Variants in SNX13 observed in about 807,000 individuals in gnomAD.
SNX13 encodes the protein sorting nexin 13, also known as sorting nexin-13.
A neutral mutation model predicts 133.6 loss-of-function variants in SNX13; 45 were observed. That is an observed-to-expected ratio of 0.34 (90% CI 0.27 to 0.43). SNX13 has a LOEUF of 0.43. Ranked by LOEUF, SNX13 falls within the 20% of genes least tolerant of loss-of-function variation. SNX13 has a pLI of 1.00. For synonymous variants in SNX13, 414 were observed against 373.9 expected (o/e 1.11, Z -1.24); for missense variants, 1,032 against 1,145.1 (o/e 0.90, Z 1.43).
At chr7:17,841,394 A>G (rs1248337408) in intron 12 of SNX13, among the ~76,000 whole-genome samples, 1 of 152,104 alleles carries the variant, frequency 6.6e-6, no homozygotes, top group Non-Finnish European at 1.5e-5. Flanking sequence ...AATAGTCTTG[A>G]GAAGACTTTT....
rs771575078 is a variant in SNX13 at position 17,940,473 on chromosome 7, C to T, written c.-178G>A. ...CCTCGGCCCGGTCGCTCGCGACGGACGCGCCGCCATCTTGGAAGAGCGACG... is the reference window on the plus strand; with the variant it reads ...CCTCGGCCCGGTCGCTCGCGACGGATGCGCCGCCATCTTGGAAGAGCGACG... On this transcript the variant is annotated 5_prime_UTR_variant, in exon 1 of 26. Coordinates refer to ENST00000428135, the MANE Select transcript of SNX13 (RefSeq NM_015132.5). The T allele has an allele frequency of 3.4e-5, 25 of 739,162 alleles. No individual in the cohort carries two copies. The highest frequency in any genetic ancestry group is 6.0e-5 in the Non-Finnish European group (25 of 418,848). The allele number at this position is 739,162 out of a possible 1,614,324, so 45.8% of individuals were successfully genotyped here.
At chr7:17,830,950 T>G in intron 15 of SNX13, 1 of 984,398 alleles carries the variant, frequency 1.0e-6, no homozygotes, top group Non-Finnish European at 1.2e-6. Flanking sequence ...CTCAAGAACA[T>G]TTCTTGGTTC....
chr7:17,876,818 C>A (rs1472668793), intron 5 of SNX13, among the ~76,000 whole-genome samples: 2 of 151,894 alleles, frequency 1.3e-5, no homozygotes, highest in African/African-American at 4.8e-5. Flanking sequence ...CAATTTATAT[C>A]TCTCCTTGGA....
intron 7 of SNX13, 132 bp downstream of exon 7, chr7:17,875,348 T>G: frequency 1.6e-6 from 1 of 634,104 alleles, no homozygotes; most frequent in Non-Finnish European, 2.6e-6. Context: ...CAAAATAAAA[T>G]AAAATGAATA....
intron 9 of SNX13, among the ~76,000 whole-genome samples, chr7:17,863,783 CAT>C (rs1468954480): frequency 6.6e-6 from 1 of 152,210 alleles, no homozygotes; most frequent in Non-Finnish European, 1.5e-5. Context: ...TGACAGTGTC[CAT>C]GTCACTGTTT....
intron 1 of SNX13, among the ~76,000 whole-genome samples, chr7:17,901,977 T>C (rs1212218852): frequency 6.6e-6 from 1 of 152,186 alleles, no homozygotes; most frequent in Non-Finnish European, 1.5e-5. Context: ...ATCATATCTT[T>C]CACAATTAAA....
At chr7:17,843,093 ATTACT>A (rs986285570) in intron 12 of SNX13, among the ~76,000 whole-genome samples, 16 of 152,032 alleles carry the variant, frequency 1.1e-4, no homozygotes, top group African/African-American at 2.2e-4. Context: ...CTTATAAATA[ATTACT>A]TTACATGTAA....
chr7:17,858,578 A>G (rs1279838960), intron 9 of SNX13, among the ~76,000 whole-genome samples: 1 of 152,130 alleles, frequency 6.6e-6, no homozygotes, highest in African/African-American at 2.4e-5. Context: ...TCATCTATAG[A>G]TTCAATGTAA....
intron 8 of SNX13, among the ~76,000 whole-genome samples, chr7:17,870,188 C>G (rs904099579): frequency 1.3e-5 from 2 of 151,938 alleles, no homozygotes; most frequent in African/African-American, 4.8e-5. Flanking sequence ...CTAAAAGATA[C>G]AAAATCATTG....
At chr7:17,865,210 G>C (rs1793237057) in intron 9 of SNX13, among the ~76,000 whole-genome samples, 1 of 152,148 alleles carries the variant, frequency 6.6e-6, no homozygotes, top group South Asian at 2.1e-4. Context: ...GAATAATACT[G>C]CAACTGTGGT....
chr7:17,893,164 G>A (rs186242552), intron 3 of SNX13, among the ~76,000 whole-genome samples, 168 bp downstream of exon 3: 269 of 152,164 alleles, frequency 1.8e-3, no homozygotes, highest in African/African-American at 6.1e-3. Flanking sequence ...TTTTTAAGAT[G>A]GCCTTTTAAA....
chr7:17,850,382 A>G lies in SNX13; in HGVS notation c.1030T>C (p.Cys344Arg). The G allele has an allele frequency of 6.3e-7, 1 of 1,597,508 alleles. No homozygotes were observed. The highest frequency in any genetic ancestry group is 8.5e-7 in the Non-Finnish European group (1 of 1,172,952). The change falls in exon 11 of 26, where the codon TGT (cysteine) becomes CGT (arginine). Residue 344 changes from cysteine (C) to arginine (R), a missense_variant. By Grantham distance (180) the Cys-to-Arg change is radical. Transcript: ENST00000428135. ...INSLLFVKKV[C>R]DSRIQRLQSG... ...TGCAATCGCTGTATTCTTGAGTCAC[A>G]TACCTTCTTTACGAATAGTAAGCTA...
At chr7:17,879,046 T>G (rs1203246990) in intron 5 of SNX13, among the ~76,000 whole-genome samples, 2 of 152,170 alleles carry the variant, frequency 1.3e-5, no homozygotes, top group Non-Finnish European at 2.9e-5. Flanking sequence ...TCTCCACTAT[T>G]CCTTCAGACT....
chr7:17,845,865 A>T (rs1002052299), intron 11 of SNX13, among the ~76,000 whole-genome samples, 171 bp from the exon 12 acceptor site: 2 of 152,190 alleles, frequency 1.3e-5, no homozygotes, highest in Non-Finnish European at 2.9e-5. Context: ...TTAAATTCCT[A>T]GTTAAGAGTT....
intron 1 of SNX13, among the ~76,000 whole-genome samples, chr7:17,930,181 T>G (rs1008746471): frequency 3.2e-5 from 4 of 123,582 alleles, no homozygotes; most frequent in Non-Finnish European, 7.3e-5. Context: ...GCACAGTACA[T>G]GTGTTACTTC....
At chr7:17,813,558 C>A (rs1161881942) in intron 20 of SNX13, among the ~76,000 whole-genome samples, 2 of 150,166 alleles carry the variant, frequency 1.3e-5, no homozygotes, top group Non-Finnish European at 3.0e-5. Flanking sequence ...ACTATACAAT[C>A]AAAAATCCTG....
chr7:17,923,636 G>A (rs1169662334), intron 1 of SNX13, among the ~76,000 whole-genome samples: 1 of 152,128 alleles, frequency 6.6e-6, no homozygotes, highest in Non-Finnish European at 1.5e-5. Flanking sequence ...CAATAATCCA[G>A]GAGATCATGA....
chr7:17,886,811 G>A (rs1171316567), intron 5 of SNX13, among the ~76,000 whole-genome samples: 1 of 151,854 alleles, frequency 6.6e-6, no homozygotes, highest in African/African-American at 2.4e-5. Flanking sequence ...ACCCATTCTT[G>A]AAAACCAGTT....
rs185933671 is a variant in SNX13, at chr7:17,826,199, A to G, written c.1636-108T>C. ...TACAATTACTCATTTCCCTGCATGT[A>G]AACTATATATTATTTGTATACCCTC... On this transcript the variant is annotated intron_variant, in intron 16 of 25. Transcript: ENST00000428135. 2.5e-3 allele frequency: 1,527 copies of G among 611,810 alleles called. 7 individuals are homozygous for G. The highest frequency in any genetic ancestry group is 2.8e-3 in the Non-Finnish European group (1,000 of 355,772). 37.9% of individuals were successfully genotyped at this position (611,810 alleles called of 1,614,324 possible). A position where few individuals can be genotyped will look rare whatever the true frequency, so the allele number is the denominator to read the frequency against.
Sources: gnomAD v4.1 joint callset for allele counts (sites outside exome capture counted in the v4.1 genomes callset) on GRCh38, gnomAD v4.1.1 for gene constraint, MANE v1.5 for transcripts, NCBI Gene and HGNC (gene_info 2026-07-23, HGNC 2026-07-21) for gene names.